RTN1: variants seen among roughly 807,000 people sequenced by gnomAD.
RTN1 encodes the protein reticulon-1.
A neutral mutation model predicts 65.5 loss-of-function variants in RTN1; 25 were observed. That is an observed-to-expected ratio of 0.38 (90% CI 0.28 to 0.53). The LOEUF (loss-of-function observed/expected upper bound fraction) is 0.53, where lower values mean the gene tolerates loss of function less well. RTN1 is among the 20% of genes least tolerant of loss of function. RTN1 has a pLI of 0.79. For missense variants in RTN1, 983 were observed against 1,025.4 expected, an observed-to-expected ratio of 0.96 and a Z score of 0.57; for synonymous variants, 471 against 447.6, an observed-to-expected ratio of 1.05 and a Z score of -0.66.
At chr14:59,857,161 T>C (rs1437885628) in intron 1 of RTN1, among the ~76,000 whole-genome samples, 1 of 152,142 alleles carries the variant, frequency 6.6e-6, no homozygotes, top group Non-Finnish European at 1.5e-5. Context: ...TACCTAACTA[T>C]AGAATCTGAG....
chr14:59,760,530 A>G (rs1337610057), intron 1 of RTN1, among the ~76,000 whole-genome samples: 2 of 152,258 alleles, frequency 1.3e-5, no homozygotes, highest in Admixed American at 6.5e-5. Flanking sequence ...AAAGAAAAAG[A>G]AAACAATTTA....
intron 1 of RTN1, among the ~76,000 whole-genome samples, chr14:59,818,048 C>T (rs1184210204): frequency 6.6e-6 from 1 of 152,152 alleles, no homozygotes; most frequent in Non-Finnish European, 1.5e-5. Context: ...CTCAAGTAGG[C>T]CACAGTGTCT....
intron 3 of RTN1, among the ~76,000 whole-genome samples, chr14:59,718,020 T>C (rs1826628610): frequency 1.3e-5 from 2 of 152,232 alleles, no homozygotes; most frequent in African/African-American, 4.8e-5. Flanking sequence ...CTGCTTCCGA[T>C]ATAAATGGTC....
chr14:59,775,135 AGACT>A (rs1235506777), intron 1 of RTN1, among the ~76,000 whole-genome samples: 3 of 152,272 alleles, frequency 2.0e-5, no homozygotes, highest in African/African-American at 7.2e-5. Context: ...TTCCATCTCT[AGACT>A]GAGTTAAGAG....
At chr14:59,832,912 A>G (rs750250185) in intron 1 of RTN1, among the ~76,000 whole-genome samples, 1 of 152,028 alleles carries the variant, frequency 6.6e-6, no homozygotes, top group Non-Finnish European at 1.5e-5. Context: ...AAACACCCCT[A>G]TCATCCCTCA....
At chr14:59,787,607 G>T (rs1277460557) in intron 1 of RTN1, among the ~76,000 whole-genome samples, 1 of 152,172 alleles carries the variant, frequency 6.6e-6, no homozygotes, top group East Asian at 1.9e-4. Context: ...AAATGGCCAT[G>T]AATGTGATAA....
Position 59,846,768 on chromosome 14 carries a change from G to A in RTN1, c.241+23622C>T, listed in dbSNP as rs1344236432. 6.6e-6 allele frequency among the ~76,000 whole-genome samples: 1 copy of A among 152,028 alleles called. No individual in the cohort carries two copies. The highest frequency in any genetic ancestry group is 1.5e-5 in the Non-Finnish European group (1 of 68,016). ...TCTGGCTCCAAGTGCCCCTTGGTTC[G>A]TAGCCAGGTGTCCGCATACCTGTTT... is the stretch of plus-strand genomic sequence containing the variant. On this transcript the variant is annotated intron_variant, in intron 1 of 8. Coordinates refer to ENST00000267484, the MANE Select transcript of RTN1 (RefSeq NM_021136.3). This position sits in a 1 kb window ranked among gnomAD's most constrained non-coding sequence, Gnocchi z 4.8.
At chr14:59,782,419 G>A (rs1296790039) in intron 1 of RTN1, among the ~76,000 whole-genome samples, 1 of 152,180 alleles carries the variant, frequency 6.6e-6, no homozygotes, top group Admixed American at 6.5e-5. Context: ...CTTTTACAGT[G>A]AAAAGTACCT....
intron 1 of RTN1, among the ~76,000 whole-genome samples, chr14:59,796,434 T>C (rs958530868): frequency 5.9e-5 from 9 of 151,464 alleles, no homozygotes; most frequent in African/African-American, 2.2e-4. Context: ...ATATCATTTT[T>C]TGTTGTTATT....
intron 3 of RTN1, among the ~76,000 whole-genome samples, chr14:59,696,559 C>A (rs1448137269): frequency 6.6e-6 from 1 of 151,560 alleles, no homozygotes; most frequent in Admixed American, 6.6e-5. Context: ...CTATTTACTA[C>A]AGCTGCATGA....
intron 2 of RTN1, among the ~76,000 whole-genome samples, chr14:59,728,249 C>CTTTTTTTTTTTTTTTTTTTTTTTTTTTT (rs200434592): frequency 1.6e-5 from 2 of 124,198 alleles, no homozygotes; most frequent in African/African-American, 5.9e-5. Flanking sequence ...GAATCAGTAT[C>CTTTTTTTTTTTTTTTTTTTTTTTTTTTT]TTTTTTTTTT....
intron 1 of RTN1, among the ~76,000 whole-genome samples, chr14:59,802,478 T>C (rs959385058): frequency 1.3e-5 from 2 of 152,248 alleles, no homozygotes; most frequent in Non-Finnish European, 2.9e-5. Context: ...TGTTAGAGTA[T>C]CTGAATTTCC....
intron 1 of RTN1, among the ~76,000 whole-genome samples, chr14:59,824,134 G>A (rs967529099): frequency 1.3e-5 from 2 of 152,034 alleles, no homozygotes; most frequent in Non-Finnish European, 2.9e-5. Flanking sequence ...CCCAATACCT[G>A]GATGTAGTAA....
chr14:59,720,529 C>T (rs1385912439), intron 3 of RTN1, among the ~76,000 whole-genome samples: 1 of 152,088 alleles, frequency 6.6e-6, no homozygotes, highest in African/African-American at 2.4e-5. Context: ...CAAGACCAGC[C>T]TGGCCAACAC....
At position 59,596,736 on chromosome 14, in the gene RTN1, G is replaced by A. The variant is rs763794741; in HGVS notation, c.*9C>T. 6.2e-6 allele frequency: 10 copies of A among 1,606,292 alleles called. No individual in the cohort carries two copies. In the Admixed American group the frequency reaches 1.7e-4, roughly 27 times the overall value. On this transcript the variant is annotated 3_prime_UTR_variant, in exon 9 of 9. Coordinates refer to ENST00000267484, the MANE Select transcript of RTN1 (RefSeq NM_021136.3). The stretch of plus-strand genomic sequence containing the variant: ...CCTGTTTGTGTCCAGTCCCCGGTGG[G>A]AAATCAGTTTACTCAGCATGCCTCT...
intron 2 of RTN1, among the ~76,000 whole-genome samples, chr14:59,741,043 A>C (rs1466094905): frequency 6.6e-6 from 1 of 152,248 alleles, no homozygotes; most frequent in African/African-American, 2.4e-5. Flanking sequence ...TGCAGACACC[A>C]GTGTCCAACT....
At chr14:59,714,733 A>C (rs1566695493) in intron 3 of RTN1, among the ~76,000 whole-genome samples, 1 of 152,214 alleles carries the variant, frequency 6.6e-6, no homozygotes, top group Non-Finnish European at 1.5e-5. Flanking sequence ...TTTGATGGAA[A>C]GTTACCCACC....
chr14:59,614,085 C>T (rs1445516745), intron 3 of RTN1, among the ~76,000 whole-genome samples: 1 of 152,208 alleles, frequency 6.6e-6, no homozygotes, highest in Non-Finnish European at 1.5e-5. Context: ...ACTACCCCCA[C>T]TGGGAGATGA....
intron 3 of RTN1, among the ~76,000 whole-genome samples, chr14:59,693,838 A>T (rs373427320): frequency 6.6e-6 from 1 of 152,170 alleles, no homozygotes; most frequent in Non-Finnish European, 1.5e-5. Context: ...TACAGAAAAA[A>T]TGTGCCCAGT....
Sources: allele counts gnomAD v4.1 joint callset (sites outside exome capture counted in the v4.1 genomes callset), GRCh38; gene constraint gnomAD v4.1.1; non-coding constraint Gnocchi (gnomAD v3.1); transcripts MANE v1.5; gene names NCBI Gene and HGNC (gene_info 2026-07-23, HGNC 2026-07-21).